NELL1: variants seen among roughly 807,000 people sequenced by gnomAD.
The protein encoded by NELL1 is protein kinase C-binding protein NELL1.
In NELL1, 76 loss-of-function variants were observed where a neutral mutation model predicts 107.4. That is an observed-to-expected ratio of 0.71 (90% confidence interval 0.59 to 0.86). NELL1 has a LOEUF of 0.86. Among genes scored for constraint, NELL1 ranks in the 40% least tolerant of loss-of-function variants. NELL1 has a pLI of 0.00. For synonymous variants in NELL1, 353 were observed against 341.2 expected (o/e 1.03, Z -0.38); for missense variants, 1,024 against 1,005.5 (o/e 1.02, Z -0.25).
At chr11:20,872,267 T>C (rs1360488861) in intron 4 of NELL1, among the ~76,000 whole-genome samples, 1 of 149,884 alleles carries the variant, frequency 6.7e-6, no homozygotes, top group Non-Finnish European at 1.5e-5. Flanking sequence ...TCAGCCTCCC[T>C]GGGCTCAGGT....
intron 2 of NELL1, among the ~76,000 whole-genome samples, chr11:20,704,630 C>A (rs1444558147): frequency 1.3e-5 from 2 of 152,154 alleles, no homozygotes; most frequent in African/African-American, 4.8e-5. Flanking sequence ...CATGTTTTTG[C>A]AGTGGCTGGT....
chr11:21,312,344 T>TG (rs1849767463), intron 14 of NELL1, among the ~76,000 whole-genome samples: 7 of 2,020 alleles, frequency 3.5e-3, no homozygotes, highest in Admixed American at 0.029. Flanking sequence ...TTAGAAAGGA[T>TG]TTTTTTTTTT....
intron 15 of NELL1, among the ~76,000 whole-genome samples, chr11:21,387,897 C>T (rs1405152015): frequency 6.6e-6 from 1 of 150,764 alleles, no homozygotes; most frequent in Non-Finnish European, 1.5e-5. Context: ...TTTTTCCAGG[C>T]ACTATATTAT....
At chr11:20,751,023 ATGTGTG>A (rs1554913197) in intron 2 of NELL1, among the ~76,000 whole-genome samples, 1 of 142,412 alleles carries the variant, frequency 7.0e-6, no homozygotes, top group African/African-American at 3.0e-5. Flanking sequence ...TTATTTGTCT[ATGTGTG>A]TGTGTGTGTG....
chr11:21,088,749 G>A (rs893593858), intron 12 of NELL1, among the ~76,000 whole-genome samples: 1 of 152,116 alleles, frequency 6.6e-6, no homozygotes, highest in Non-Finnish European at 1.5e-5. Flanking sequence ...GTTATAGAGG[G>A]CAATGTTCAT....
chr11:21,329,990 A>T (rs886118460), intron 14 of NELL1, among the ~76,000 whole-genome samples: 5 of 152,136 alleles, frequency 3.3e-5, no homozygotes, highest in Non-Finnish European at 5.9e-5. Context: ...CTGAGAGAAG[A>T]AAATAAATTA....
At chr11:21,087,605 T>G (rs781570973) in intron 12 of NELL1, among the ~76,000 whole-genome samples, 1 of 152,136 alleles carries the variant, frequency 6.6e-6, no homozygotes. Context: ...GGGAAGTTGT[T>G]TGGGACATAA....
chr11:20,684,863 G>T (rs1727743681), intron 2 of NELL1, among the ~76,000 whole-genome samples: 1 of 152,052 alleles, frequency 6.6e-6, no homozygotes, highest in Non-Finnish European at 1.5e-5. Flanking sequence ...CCCAGTGACT[G>T]ATAAGTCATG....
intron 12 of NELL1, among the ~76,000 whole-genome samples, chr11:20,986,146 G>A (rs577777332): frequency 3.3e-5 from 5 of 152,096 alleles, no homozygotes; most frequent in Admixed American, 6.5e-5. Context: ...GCTACCCTCC[G>A]CTCCCTTTTG....
intron 15 of NELL1, among the ~76,000 whole-genome samples, chr11:21,472,092 G>T (rs1260038673): frequency 6.6e-6 from 1 of 151,838 alleles, no homozygotes; most frequent in Admixed American, 6.6e-5. Flanking sequence ...CTTTTTCCTG[G>T]TGACCTTTGA....
intron 14 of NELL1, among the ~76,000 whole-genome samples, chr11:21,368,831 G>C (rs1327782213): frequency 6.6e-6 from 1 of 152,002 alleles, no homozygotes; most frequent in Non-Finnish European, 1.5e-5. Flanking sequence ...TCTGTTATCA[G>C]CTAATTTTAT....
At chr11:21,113,765 C>A (rs908500583) in intron 13 of NELL1, 51 bp downstream of exon 13, 7 of 1,585,244 alleles carry the variant, frequency 4.4e-6, no homozygotes, top group Non-Finnish European at 6.0e-6. Flanking sequence ...TTCTCTGCAC[C>A]ATGTCTGTGT....
chr11:20,975,973 ATAT>A lies in NELL1; in HGVS notation c.1300+15417_1300+15419del, dbSNP rs1005302861. 2.9e-4 allele frequency among the ~76,000 whole-genome samples: 31 copies of A among 108,060 alleles called. 1 individual carries two copies. The highest frequency in any genetic ancestry group is 1.2e-3 in the African/African-American group (30 of 25,462). 70.9% of individuals were successfully genotyped at this position (108,060 alleles called of 152,430 possible). ...TATGTACATTATATATACATTATAT[ATAT>A]TATATCTGTACATATATGTGTATTA... On this transcript the variant is annotated intron_variant, in intron 12 of 19. Coordinates refer to ENST00000357134, the MANE Select transcript of NELL1 (RefSeq NM_006157.5).
At position 21,225,863 on chromosome 11, in the gene NELL1, C is replaced by T. The variant is rs146615512; in HGVS notation, c.1427-3469C>T. 3.0e-3 allele frequency among the ~76,000 whole-genome samples: 450 copies of T among 152,292 alleles called. 3 individuals are homozygous for T. The highest frequency in any genetic ancestry group is 1.0e-2 in the African/African-American group (415 of 41,548). On this transcript the variant is annotated intron_variant, in intron 13 of 19. Transcript: ENST00000357134. ...TCTACCTATATTAATTAATTTAATT[C>T]TCAAAACAATCCCAAGTGATAGGTT...
intron 15 of NELL1, among the ~76,000 whole-genome samples, chr11:21,382,626 G>T (rs1237071865): frequency 6.6e-6 from 1 of 151,780 alleles, no homozygotes; most frequent in Non-Finnish European, 1.5e-5. Flanking sequence ...AGAAATTTTG[G>T]TCTATTTCAA....
intron 2 of NELL1, among the ~76,000 whole-genome samples, chr11:20,759,809 A>G (rs1199452838): frequency 6.6e-6 from 1 of 152,158 alleles, no homozygotes; most frequent in Non-Finnish European, 1.5e-5. Context: ...TTTGACCAGA[A>G]TCCAGCCCTC....
chr11:21,451,482 T>G (rs1853584468), intron 15 of NELL1, among the ~76,000 whole-genome samples: 1 of 152,136 alleles, frequency 6.6e-6, no homozygotes, highest in African/African-American at 2.4e-5. Flanking sequence ...ATATGGAGTA[T>G]TATAAAATAC....
At chr11:20,932,510 G>A (rs1296187917) in intron 9 of NELL1, among the ~76,000 whole-genome samples, 4 of 152,186 alleles carry the variant, frequency 2.6e-5, no homozygotes, top group Admixed American at 6.5e-5. Flanking sequence ...AATCCCTACC[G>A]AGGTCCTTCT....
intron 5 of NELL1, among the ~76,000 whole-genome samples, chr11:20,895,996 A>C (rs953065879): frequency 6.6e-6 from 1 of 152,026 alleles, no homozygotes; most frequent in Non-Finnish European, 1.5e-5. Flanking sequence ...TTTTAAAAAA[A>C]TTTCACTAGT....
Sources: gnomAD v4.1 joint callset for allele counts (sites outside exome capture counted in the v4.1 genomes callset) on GRCh38, gnomAD v4.1.1 for gene constraint, MANE v1.5 for transcripts, NCBI Gene and HGNC (gene_info 2026-07-23, HGNC 2026-07-21) for gene names.